NWD2: variants seen among roughly 807,000 people sequenced by gnomAD.
NWD2 encodes NACHT and WD repeat domain-containing protein 2.
A neutral mutation model predicts 132.7 loss-of-function variants in NWD2; 37 were observed. The ratio of observed to expected loss-of-function variants is 0.28; its 90% CI spans 0.21 to 0.37. NWD2 has a LOEUF of 0.37. Ranked by LOEUF, NWD2 falls within the 10% of genes least tolerant of loss-of-function variation. The pLI is 1.00. For synonymous variants in NWD2, 705 were observed against 803.0 expected (o/e 0.88, Z 2.06); for missense variants, 1,592 against 2,122.4 (o/e 0.75, Z 4.91).
rs530613508 is a variant in NWD2 at position 37,407,750 on chromosome 4, G to A, written c.358-22822G>A. Among the ~76,000 whole-genome samples, 5 of 152,316 alleles carry A rather than the reference G, an allele frequency of 3.3e-5. No homozygotes were observed. In the East Asian group the frequency reaches 9.6e-4, roughly 29 times the overall value. On this transcript the variant is annotated intron_variant, in intron 3 of 6. Coordinates refer to ENST00000309447, the MANE Select transcript of NWD2 (RefSeq NM_001144990.2). ...ATTATCCTTGATAGGGCAACATGGT[G>A]GAATAGGATCAGCTCCGGTCTGCAG...
Position 37,445,949 on chromosome 4 carries a change from A to C in NWD2, c.3961A>C (p.Ser1321Arg), listed in dbSNP as rs1236355902. ...NIDKTGKPIQ[S>R]LLLPARGEII... The stretch of plus-strand genomic sequence containing the variant: ...AGATAAGACTGGAAAACCCATCCAA[A>C]GTCTGTTGTTGCCTGCTAGAGGGGA... Residue 1321 changes from serine to arginine, a missense_variant, in exon 7 of 7, where the codon AGT becomes CGT. Ser to Arg is a moderately radical substitution (Grantham distance 110). Around this residue, in one of 7 missense-constraint regions of NWD2, gnomAD observed 1,071 missense variants for 1,398.0 expected, o/e 0.77. Coordinates refer to ENST00000309447, the MANE Select transcript of NWD2 (RefSeq NM_001144990.2). This position sits in a 1 kb window ranked among gnomAD's most constrained non-coding sequence, Gnocchi z 4.7. 21 of 1,551,562 alleles carry C rather than the reference A, an allele frequency of 1.4e-5. No homozygotes were observed. The highest frequency in any genetic ancestry group is 1.7e-5 in the Non-Finnish European group (20 of 1,146,980).
At chr4:37,382,277 G>T (rs566488398) in intron 3 of NWD2, among the ~76,000 whole-genome samples, 3 of 152,300 alleles carry the variant, frequency 2.0e-5, no homozygotes, top group African/African-American at 7.2e-5. Flanking sequence ...CAGGATGTCA[G>T]TGGGTCTGCG....
chr4:37,364,960 T>C (rs553653615), intron 3 of NWD2, among the ~76,000 whole-genome samples: 1 of 152,226 alleles, frequency 6.6e-6, no homozygotes, highest in Non-Finnish European at 1.5e-5. Context: ...GGCAGAAGAG[T>C]AAAGACAAGA....
intron 3 of NWD2, among the ~76,000 whole-genome samples, chr4:37,379,373 CAAACAG>C (rs1425108022): frequency 4.8e-5 from 5 of 104,458 alleles, no homozygotes; most frequent in East Asian, 2.1e-4. Flanking sequence ...CTTCACAGAA[CAAACAG>C]AGACACAGAG....
At chr4:37,404,747 G>A (rs1720961201) in intron 3 of NWD2, among the ~76,000 whole-genome samples, 2 of 152,198 alleles carry the variant, frequency 1.3e-5, no homozygotes, top group African/African-American at 2.4e-5. Context: ...TCAGCTTCTG[G>A]AGAGGCCTCA....
chr4:37,443,420 T>G lies in NWD2; in HGVS notation c.1432T>G (p.Tyr478Asp), dbSNP rs1366506764. ...TGTTTGTGAACAATTGGCAGTTAACTACCGGTGTCTGGTTCAAAGCTACCC... is the reference window on the plus strand; with the variant it reads ...TGTTTGTGAACAATTGGCAGTTAACGACCGGTGTCTGGTTCAAAGCTACCC... ...LSVCEQLAVNYRCLVQSYPKK... is the reference protein window; with the variant it reads ...LSVCEQLAVNDRCLVQSYPKK... The change falls in exon 7 of 7, where the codon TAC (tyrosine) becomes GAC (aspartate). Residue 478 changes from tyrosine to aspartate, a missense_variant. By Grantham distance (160) the Tyr-to-Asp change is radical. This residue lies in a region of NWD2 where 1,071 missense variants were observed against 1,398.0 expected (regional missense o/e 0.77). Transcript: ENST00000309447. This position sits in a 1 kb window ranked among gnomAD's most constrained non-coding sequence, Gnocchi z 4.1. 6.4e-7 allele frequency: 1 copy of G among 1,552,150 alleles called. No individual in the cohort carries two copies. Among genetic ancestry groups the G allele is most frequent in the Non-Finnish European group, 8.7e-7 (1 of 1,147,122 alleles).
intron 3 of NWD2, among the ~76,000 whole-genome samples, chr4:37,416,942 G>A (rs886719422): frequency 6.6e-6 from 1 of 152,030 alleles, no homozygotes; most frequent in African/African-American, 2.4e-5. Context: ...TGGGAACTGG[G>A]GGGAAAGGGT....
intron 1 of NWD2, among the ~76,000 whole-genome samples, chr4:37,282,124 C>A (rs2109268552): frequency 6.6e-6 from 1 of 152,222 alleles, no homozygotes; most frequent in Admixed American, 6.5e-5. Context: ...AATGGCCTCT[C>A]AACTTTAAAT....
chr4:37,247,211 G>T (rs1334192285), intron 1 of NWD2, among the ~76,000 whole-genome samples: 1 of 152,186 alleles, frequency 6.6e-6, no homozygotes, highest in Non-Finnish European at 1.5e-5. Flanking sequence ...AAATAAAAAA[G>T]ACAGATGGGC....
In NWD2 at chr4:37,325,965, G is replaced by A. The variant is rs1719165524; in HGVS notation, c.181G>A (p.Glu61Lys). ...DTGAERQALR[E>K]NVYPKLREFC... ...GGGAGCAGAAAGACAGGCGCTAAGA[G>A]AAAATGTATATCCTAAACTGAGAGA... The change falls in exon 2 of 7, where the codon GAA (glutamate) becomes AAA (lysine). Residue 61 changes from glutamate to lysine, a missense_variant. By Grantham distance (56) the Glu-to-Lys change is moderately conservative. Coordinates refer to ENST00000309447, the MANE Select transcript of NWD2 (RefSeq NM_001144990.2). 1.9e-6 allele frequency: 3 copies of A among 1,548,698 alleles called. No homozygotes were observed.
intron 1 of NWD2, 48 bp downstream of exon 1, chr4:37,245,266 G>A (rs868802859): frequency 1.8e-4 from 265 of 1,493,452 alleles, no homozygotes; most frequent in South Asian, 5.6e-4. Context: ...GTCCGTCAGC[G>A]CTGCGGGAGC....
At chr4:37,312,730 A>T (rs1718873532) in intron 1 of NWD2, among the ~76,000 whole-genome samples, 1 of 151,038 alleles carries the variant, frequency 6.6e-6, no homozygotes, top group African/African-American at 2.5e-5. Context: ...GAATGCTTCC[A>T]GTTTTTGCCC....
intron 3 of NWD2, among the ~76,000 whole-genome samples, chr4:37,427,725 C>G (rs114394745): frequency 6.6e-6 from 1 of 152,166 alleles, no homozygotes; most frequent in East Asian, 1.9e-4. Flanking sequence ...GAGGCCAGTA[C>G]TGAGGAGGCT....
chr4:37,341,449 A>G (rs900991036), intron 2 of NWD2, among the ~76,000 whole-genome samples: 8 of 152,224 alleles, frequency 5.3e-5, no homozygotes, highest in Admixed American at 2.6e-4. Context: ...TATAAGCTAT[A>G]TAATTATACA....
Position 37,444,296 on chromosome 4 carries a change from G to A in NWD2, c.2308G>A (p.Gly770Ser), listed in dbSNP as rs1560257520. 5 of 1,551,700 alleles carry A rather than the reference G, an allele frequency of 3.2e-6. No homozygotes were observed. The highest frequency in any genetic ancestry group is 3.3e-4 in the Middle Eastern group (2 of 5,992). Residue 770 changes from glycine to serine, a missense_variant, in exon 7 of 7, where the codon GGC (glycine) becomes AGC (serine). Gly to Ser is a moderately conservative substitution (Grantham distance 56). This residue lies in a region of NWD2 where 1,071 missense variants were observed against 1,398.0 expected (regional missense o/e 0.77). Coordinates refer to ENST00000309447, the MANE Select transcript of NWD2 (RefSeq NM_001144990.2). This position sits in a 1 kb window ranked among gnomAD's most constrained non-coding sequence, Gnocchi z 4.8. ...ADYFLGVWSG[G>S]RRKAFCLEDP... ...TTATTTTCTGGGGGTTTGGTCAGGG[G>A]GCAGGAGGAAAGCCTTCTGCCTTGA...
At chr4:37,278,839 T>G (rs1239862651) in intron 1 of NWD2, among the ~76,000 whole-genome samples, 2 of 152,190 alleles carry the variant, frequency 1.3e-5, no homozygotes, top group African/African-American at 4.8e-5. Flanking sequence ...TATTTCACTC[T>G]TCACCCTTTT....
chr4:37,396,643 G>C (rs914074941), intron 3 of NWD2, among the ~76,000 whole-genome samples: 8 of 152,158 alleles, frequency 5.3e-5, no homozygotes, highest in Non-Finnish European at 1.2e-4. Context: ...AGCTCAACAG[G>C]TCTCAGTCAG....
intron 2 of NWD2, among the ~76,000 whole-genome samples, chr4:37,330,650 T>A (rs1719274130): frequency 1.3e-5 from 2 of 152,200 alleles, no homozygotes; most frequent in South Asian, 4.1e-4. Flanking sequence ...CCCTAGTAGA[T>A]TGCAAGTCCT....
At chr4:37,363,970 A>AC (rs1429647255) in intron 3 of NWD2, among the ~76,000 whole-genome samples, 1 of 149,938 alleles carries the variant, frequency 6.7e-6, no homozygotes, top group Non-Finnish European at 1.5e-5. Flanking sequence ...TAAAAATACA[A>AC]AAAAAAAAAA....
Sources: gnomAD v4.1 joint callset for allele counts (sites outside exome capture counted in the v4.1 genomes callset) on GRCh38, gnomAD v4.1.1 for gene constraint, gnomAD v4.1.1 regional missense constraint, Gnocchi (gnomAD v3.1) non-coding constraint, MANE v1.5 for transcripts, NCBI Gene and HGNC (gene_info 2026-07-23, HGNC 2026-07-21) for gene names.